The following CTNND2 variants were observed in gnomAD, a reference collection of about 807,000 sequenced individuals.
CTNND2 encodes catenin delta 2, also known as catenin delta-2.
Under a neutral mutation model 144.4 loss-of-function variants are expected in CTNND2, and 22 were observed. The observed-to-expected ratio is 0.15, with a 90% CI of 0.11 to 0.22. CTNND2 has a LOEUF of 0.22. CTNND2 is among the 10% of genes least tolerant of loss of function. CTNND2 has a pLI of 1.00. For synonymous variants in CTNND2, 751 were observed against 695.6 expected (o/e 1.08, Z -1.25); for missense variants, 1,353 against 1,618.8 (o/e 0.84, Z 2.82).
chr5:11,552,458 T>C (rs1775844719), intron 3 of CTNND2, among the ~76,000 whole-genome samples: 1 of 152,196 alleles, frequency 6.6e-6, no homozygotes, highest in African/African-American at 2.4e-5. Context: ...TCCTTGAAAG[T>C]ACTAAATCTC....
At chr5:11,574,896 T>TTTGAGGAAGA (rs1777858708) in intron 2 of CTNND2, among the ~76,000 whole-genome samples, 2 of 152,224 alleles carry the variant, frequency 1.3e-5, no homozygotes, top group East Asian at 3.9e-4. Context: ...TCAAATGGAC[T>TTTGAGGAAGA]TTGCATGTGT....
intron 2 of CTNND2, among the ~76,000 whole-genome samples, chr5:11,675,067 A>G (rs1784103898): frequency 6.6e-6 from 1 of 152,218 alleles, no homozygotes; most frequent in South Asian, 2.1e-4. Flanking sequence ...AAAGGAAGGC[A>G]GAATTTTTGA....
chr5:11,881,076 C>T (rs962193361), intron 1 of CTNND2, among the ~76,000 whole-genome samples: 3 of 149,708 alleles, frequency 2.0e-5, no homozygotes, highest in African/African-American at 7.3e-5. Context: ...CTACTATTAT[C>T]ATTATTATTA....
chr5:11,679,799 T>C (rs1262385430), intron 2 of CTNND2, among the ~76,000 whole-genome samples: 1 of 152,208 alleles, frequency 6.6e-6, no homozygotes, highest in Non-Finnish European at 1.5e-5. Flanking sequence ...TAACGTATCC[T>C]GTTGTAGGCA....
intron 3 of CTNND2, among the ~76,000 whole-genome samples, chr5:11,541,846 C>CG (rs111631935): frequency 6.9e-6 from 1 of 145,376 alleles, no homozygotes; most frequent in Non-Finnish European, 1.5e-5. Context: ...CGACCCCCCC[C>CG]CCCCGGCCAA....
intron 12 of CTNND2, among the ~76,000 whole-genome samples, chr5:11,137,459 G>A (rs573288631): frequency 6.6e-6 from 1 of 152,122 alleles, no homozygotes; most frequent in East Asian, 1.9e-4. Flanking sequence ...TTTTTTCCTT[G>A]CTTGTTATAT....
chr5:11,508,537 T>C (rs943993115), intron 3 of CTNND2: 16 of 152,200 alleles, frequency 1.1e-4, no homozygotes, highest in Non-Finnish European at 1.5e-4. Context: ...CTCTTTTATG[T>C]TGCACTCTGA....
rs572127346 is a variant in CTNND2, at chr5:11,222,135, T to C, written c.1761+14556A>G. On this transcript the variant is annotated intron_variant, in intron 10 of 21. Coordinates refer to ENST00000304623, the MANE Select transcript of CTNND2 (RefSeq NM_001332.4). ...GTCATCTGTTTCTTCTGCTCACCAT[T>C]GCAAAGACTACAAACCTTTTGTGGG... Among the ~76,000 whole-genome samples the C allele has an allele frequency of 7.8e-4, 119 of 152,142 alleles. 1 individual carries two copies. The South Asian group carries it at 9.5e-3, about 12-fold the overall frequency.
At chr5:10,999,040 C>T (rs1238191476) in intron 18 of CTNND2, among the ~76,000 whole-genome samples, 2 of 152,212 alleles carry the variant, frequency 1.3e-5, no homozygotes, top group East Asian at 3.9e-4. Flanking sequence ...ATAGATCAAT[C>T]ACCACTCATT....
intron 2 of CTNND2, among the ~76,000 whole-genome samples, chr5:11,712,758 A>C (rs879511311): frequency 3.9e-5 from 6 of 152,244 alleles, no homozygotes; most frequent in Non-Finnish European, 7.3e-5. Flanking sequence ...CCTAGAAATC[A>C]GAGTTTAGTA....
intron 3 of CTNND2, among the ~76,000 whole-genome samples, chr5:11,472,327 T>C (rs939065710): frequency 6.6e-6 from 1 of 152,224 alleles, no homozygotes; most frequent in Non-Finnish European, 1.5e-5. Flanking sequence ...CAGTACCATA[T>C]AGGTCTAACT....
At chr5:11,427,787 G>A (rs563281657) in intron 3 of CTNND2, among the ~76,000 whole-genome samples, 1 of 152,034 alleles carries the variant, frequency 6.6e-6, no homozygotes, top group African/African-American at 2.4e-5. Flanking sequence ...CCCTCTTCAT[G>A]TCTGCAATCT....
At chr5:11,391,585 G>A (rs145224328) in intron 6 of CTNND2, among the ~76,000 whole-genome samples, 66 of 152,268 alleles carry the variant, frequency 4.3e-4, no homozygotes, top group African/African-American at 1.4e-3. Flanking sequence ...TTTTCAAATC[G>A]TCTTCCAAAG....
chr5:11,592,997 G>A (rs1370745677), intron 2 of CTNND2, among the ~76,000 whole-genome samples: 1 of 151,926 alleles, frequency 6.6e-6, no homozygotes, highest in Non-Finnish European at 1.5e-5. Context: ...CTGCAGTGCA[G>A]AGGGAAAGAT....
chr5:11,033,260 TGAGATAAGAA>T (rs149808895), intron 16 of CTNND2, among the ~76,000 whole-genome samples: 2,125 of 152,310 alleles, frequency 0.014, 20 homozygotes, highest in Middle Eastern at 0.031. Context: ...ATAGCACATA[TGAGATAAGAA>T]GACATCCAGT....
At chr5:11,719,138 G>T (rs1786519008) in intron 2 of CTNND2, among the ~76,000 whole-genome samples, 1 of 152,076 alleles carries the variant, frequency 6.6e-6, no homozygotes. Flanking sequence ...CATAACCAAG[G>T]CCGTTCAGTA....
chr5:11,866,606 T>C (rs1795780415), intron 1 of CTNND2, among the ~76,000 whole-genome samples: 1 of 152,228 alleles, frequency 6.6e-6, no homozygotes, highest in Non-Finnish European at 1.5e-5. Flanking sequence ...ATTTTGTACC[T>C]AAAGTGTGCA....
chr5:11,338,725 ATTGT>A (rs1162764954), intron 9 of CTNND2, among the ~76,000 whole-genome samples: 2 of 152,182 alleles, frequency 1.3e-5, no homozygotes, highest in African/African-American at 4.8e-5. Flanking sequence ...TTGGAATGCA[ATTGT>A]TTATTATAAG....
rs757898451 is a variant in CTNND2 at position 11,098,744 on chromosome 5, T to C, written c.2468A>G (p.Asp823Gly). ...ACAGTCTGGAAGAGGTCCTACTCCA[T>C]CCCACTGGCGGAAGAAAAACAAGAG... ...KKKKKSQDQWDGVGPLPDCAE... is the reference protein window; with the variant it reads ...KKKKKSQDQWGGVGPLPDCAE... Residue 823 changes from aspartate (D) to glycine (G), a missense_variant, in exon 15 of 22, where the codon GAT becomes GGT. By Grantham distance (94) the Asp-to-Gly change is moderately conservative. Around this residue, in one of 4 missense-constraint regions of CTNND2, gnomAD observed 459 missense variants for 674.3 expected, o/e 0.68. Transcript: ENST00000304623. The C allele has an allele frequency of 6.2e-7, 1 of 1,611,212 alleles. No individual in the cohort carries two copies. Among genetic ancestry groups the C allele is most frequent in the Non-Finnish European group, 8.5e-7 (1 of 1,179,044 alleles).
Sources: gnomAD v4.1 joint callset for allele counts (sites outside exome capture counted in the v4.1 genomes callset) on GRCh38, gnomAD v4.1.1 for gene constraint, gnomAD v4.1.1 regional missense constraint, MANE v1.5 for transcripts, NCBI Gene and HGNC (gene_info 2026-07-23, HGNC 2026-07-21) for gene names.